RORA: variants seen among roughly 807,000 people sequenced by gnomAD.
RORA encodes the protein nuclear receptor ROR-alpha.
Under a neutral mutation model 69.5 loss-of-function variants are expected in RORA, and 7 were observed. That is an observed-to-expected ratio of 0.10 (90% CI 0.06 to 0.19). RORA has a LOEUF of 0.19. Among genes scored for constraint, RORA ranks in the 10% least tolerant of loss-of-function variants. The pLI is 1.00. For synonymous variants in RORA, 261 were observed against 240.8 expected (o/e 1.08, Z -0.78); for missense variants, 457 against 663.0 (o/e 0.69, Z 3.41).
chr15:60,918,240 A>C (rs1436670548), intron 1 of RORA, among the ~76,000 whole-genome samples: 1 of 152,230 alleles, frequency 6.6e-6, no homozygotes, highest in Non-Finnish European at 1.5e-5. Flanking sequence ...GATTCAAGGA[A>C]CCATGAGAAA....
chr15:60,772,230 C>T (rs1595702868), intron 1 of RORA, among the ~76,000 whole-genome samples: 4 of 152,056 alleles, frequency 2.6e-5, no homozygotes, highest in South Asian at 2.1e-4. Context: ...CCTGACAGGC[C>T]GCGGTGTGTG....
chr15:60,557,730 T>C (rs2067409368), intron 2 of RORA, among the ~76,000 whole-genome samples: 1 of 152,188 alleles, frequency 6.6e-6, no homozygotes, highest in Non-Finnish European at 1.5e-5. Flanking sequence ...ACTTCAGACA[T>C]CTCTGTGATC....
intron 1 of RORA, among the ~76,000 whole-genome samples, chr15:60,833,108 G>C (rs2073068617): frequency 6.6e-6 from 1 of 151,874 alleles, no homozygotes; most frequent in African/African-American, 2.4e-5. Context: ...GTTTCACCGT[G>C]TTAGCCAGGA....
At chr15:60,516,467 T>G (rs2065963196) in intron 3 of RORA, among the ~76,000 whole-genome samples, 1 of 150,470 alleles carries the variant, frequency 6.6e-6, no homozygotes, top group Non-Finnish European at 1.5e-5. Context: ...ATAAGGTAAG[T>G]AGAGTCATTT....
intron 1 of RORA, among the ~76,000 whole-genome samples, chr15:60,693,469 G>C (rs1406965506): frequency 6.6e-6 from 1 of 152,184 alleles, no homozygotes; most frequent in Non-Finnish European, 1.5e-5. Flanking sequence ...GCAAGAGAAA[G>C]AAAGAAATAT....
Position 60,534,154 on chromosome 15 carries a change from C to T in RORA, c.197-2303G>A, listed in dbSNP as rs116329583. ...GGATTACTAATTAGAAGTGAAGCAA[C>T]GATGTTTAAGGCTGTGACCAAGATG... On this transcript the variant is annotated intron_variant, in intron 2 of 10. Transcript: ENST00000335670. This position sits in a 1 kb window ranked among gnomAD's most constrained non-coding sequence, Gnocchi z 5.0. Among the ~76,000 whole-genome samples, 670 of 152,286 alleles carry T rather than the reference C, an allele frequency of 4.4e-3. 2 individuals are homozygous for T. The highest frequency in any genetic ancestry group is 0.015 in the African/African-American group (626 of 41,548).
At chr15:60,685,128 C>A (rs2070721684) in intron 1 of RORA, among the ~76,000 whole-genome samples, 1 of 152,144 alleles carries the variant, frequency 6.6e-6, no homozygotes, top group South Asian at 2.1e-4. Context: ...CTTGACTGGA[C>A]ATAGGCAAAA....
chr15:60,945,957 G>A (rs1892856504), intron 1 of RORA, among the ~76,000 whole-genome samples: 1 of 152,198 alleles, frequency 6.6e-6, no homozygotes, highest in East Asian at 1.9e-4. Flanking sequence ...AGACTGACGA[G>A]TCAGGAATGT....
Position 61,126,661 on chromosome 15 carries a change from G to T in RORA, c.166+102392C>A, listed in dbSNP as rs551014714. Among the ~76,000 whole-genome samples the T allele has an allele frequency of 3.0e-4, 45 of 152,250 alleles. 1 individual carries two copies. The South Asian group carries it at 4.1e-3, about 14-fold the overall frequency. ...AGATAGAATATTCACGTCTTATCTT[G>T]TTTGAACATCAAAACACTCTCCCAC... On this transcript the variant is annotated intron_variant, in intron 1 of 10. Transcript: ENST00000335670.
At chr15:60,699,403 C>T (rs1342421715) in intron 1 of RORA, among the ~76,000 whole-genome samples, 1 of 152,152 alleles carries the variant, frequency 6.6e-6, no homozygotes, top group Non-Finnish European at 1.5e-5. Flanking sequence ...AGATTTGAAT[C>T]TAAACAACAC....
chr15:60,925,997 G>A (rs1189031017), intron 1 of RORA, among the ~76,000 whole-genome samples: 1 of 152,198 alleles, frequency 6.6e-6, no homozygotes, highest in East Asian at 1.9e-4. Flanking sequence ...GGTCTGACAT[G>A]ATTGGAGGCA....
intron 1 of RORA, among the ~76,000 whole-genome samples, chr15:60,816,890 A>G (rs992216640): frequency 1.8e-4 from 27 of 152,130 alleles, no homozygotes; most frequent in Non-Finnish European, 7.4e-5. Context: ...CTCCTTTTAT[A>G]TGTAGTCACA....
intron 1 of RORA, among the ~76,000 whole-genome samples, chr15:61,191,124 T>C (rs570619339): frequency 8.0e-4 from 122 of 152,302 alleles, no homozygotes; most frequent in Non-Finnish European, 1.3e-3. Flanking sequence ...GAGATTTGTA[T>C]TGAAAGGCTG....
chr15:61,100,927 C>G (rs1325031199), intron 1 of RORA, among the ~76,000 whole-genome samples: 1 of 152,176 alleles, frequency 6.6e-6, no homozygotes, highest in Non-Finnish European at 1.5e-5. Context: ...TCAGACCACC[C>G]TGTATATAAC....
At chr15:61,030,071 T>C (rs1254815994) in intron 1 of RORA, among the ~76,000 whole-genome samples, 1 of 152,100 alleles carries the variant, frequency 6.6e-6, no homozygotes, top group Non-Finnish European at 1.5e-5. Flanking sequence ...AAACCCAAAG[T>C]GATGGTCATT....
chr15:61,045,180 G>A (rs1217411770), intron 1 of RORA, among the ~76,000 whole-genome samples: 1 of 152,132 alleles, frequency 6.6e-6, no homozygotes, highest in Non-Finnish European at 1.5e-5. Flanking sequence ...TGAATCATGG[G>A]GGTGGGTCTT....
chr15:60,715,056 C>T (rs142623553), intron 1 of RORA, among the ~76,000 whole-genome samples: 178 of 152,256 alleles, frequency 1.2e-3, no homozygotes, highest in South Asian at 3.5e-3. Flanking sequence ...GATGACTATG[C>T]TGTTGGAAAG....
chr15:60,512,086 C>T (rs1490348300), intron 4 of RORA: 1 of 158,512 alleles, frequency 6.3e-6, no homozygotes, highest in African/African-American at 2.4e-5. Flanking sequence ...AGTTCACCGT[C>T]TTGTACGCTC....
At chr15:60,909,985 C>G (rs1416939886) in intron 1 of RORA, among the ~76,000 whole-genome samples, 1 of 152,208 alleles carries the variant, frequency 6.6e-6, no homozygotes. Context: ...TTGATTCCTG[C>G]AGAAAAATCT....
Sources: gnomAD v4.1 joint callset for allele counts (sites outside exome capture counted in the v4.1 genomes callset) on GRCh38, gnomAD v4.1.1 for gene constraint, Gnocchi (gnomAD v3.1) non-coding constraint, MANE v1.5 for transcripts, NCBI Gene and HGNC (gene_info 2026-07-23, HGNC 2026-07-21) for gene names.